Variants in CDKAL1 observed in about 807,000 individuals in gnomAD.
CDKAL1 encodes the protein threonylcarbamoyladenosine tRNA methylthiotransferase.
Under a neutral mutation model 68.2 loss-of-function variants are expected in CDKAL1, and 32 were observed. That is an observed-to-expected ratio of 0.47 (90% confidence interval 0.35 to 0.63). The LOEUF (loss-of-function observed/expected upper bound fraction) is 0.63. Ranked by LOEUF, CDKAL1 falls within the 30% of genes least tolerant of loss-of-function variation. The pLI is 0.00. For missense variants in CDKAL1, 606 were observed against 696.7 expected, an observed-to-expected ratio of 0.87 and a Z score of 1.47; for synonymous variants, 234 against 244.3, an observed-to-expected ratio of 0.96 and a Z score of 0.39.
intron 12 of CDKAL1, among the ~76,000 whole-genome samples, chr6:21,075,264 G>A (rs1488613453): frequency 7.3e-6 from 1 of 136,634 alleles, no homozygotes; most frequent in Non-Finnish European, 1.6e-5. Context: ...GATGACATAA[G>A]GATAAGTATA....
chr6:21,202,715 C>T (rs184683754), intron 15 of CDKAL1, among the ~76,000 whole-genome samples: 6 of 152,294 alleles, frequency 3.9e-5, no homozygotes, highest in Admixed American at 3.3e-4. Flanking sequence ...GTAAACATCA[C>T]CATTGATAAT....
chr6:21,052,016 T>C (rs985630069), intron 11 of CDKAL1, among the ~76,000 whole-genome samples: 2 of 152,338 alleles, frequency 1.3e-5, no homozygotes, highest in East Asian at 1.9e-4. Flanking sequence ...CACTAGACTT[T>C]CTTTGTCTTA....
intron 9 of CDKAL1, among the ~76,000 whole-genome samples, chr6:20,929,336 C>T (rs763465557): frequency 6.6e-6 from 1 of 152,140 alleles, no homozygotes; most frequent in African/African-American, 2.4e-5. Context: ...TAAAGATTAA[C>T]CTTGGGGGCA....
At chr6:20,870,722 A>G (rs941116238) in intron 9 of CDKAL1, among the ~76,000 whole-genome samples, 8 of 152,234 alleles carry the variant, frequency 5.3e-5, no homozygotes, top group Non-Finnish European at 8.8e-5. Context: ...CTAGCCAGGT[A>G]TATGACTTTG....
At chr6:20,935,602 G>T (rs1451077429) in intron 9 of CDKAL1, among the ~76,000 whole-genome samples, 1 of 151,988 alleles carries the variant, frequency 6.6e-6, no homozygotes, top group East Asian at 1.9e-4. Context: ...GCTAATTTTT[G>T]TACTTTTAGT....
chr6:21,142,431 A>C lies in CDKAL1; in HGVS notation c.1299+33968A>C, dbSNP rs974350794. Among the ~76,000 whole-genome samples the C allele has an allele frequency of 5.9e-5, 9 of 152,294 alleles. No individual in the cohort carries two copies. In the South Asian group the frequency reaches 1.0e-3, roughly 18 times the overall value. The stretch of plus-strand genomic sequence containing the variant: ...AAACAGTAGAGTTTATGGTAACATA[A>C]CTAAGGCTAGCACCTACCTCCTGGT... On this transcript the variant is annotated intron_variant, in intron 13 of 15. Transcript: ENST00000274695.
At chr6:21,065,281 C>A in intron 12 of CDKAL1, 53 bp downstream of exon 12, 2 of 1,351,148 alleles carry the variant, frequency 1.5e-6, no homozygotes, top group Non-Finnish European at 2.1e-6. Flanking sequence ...TATAGAAATG[C>A]AGCTGTGTTG....
At chr6:20,931,282 A>G (rs1487105728) in intron 9 of CDKAL1, among the ~76,000 whole-genome samples, 2 of 152,186 alleles carry the variant, frequency 1.3e-5, no homozygotes, top group African/African-American at 4.8e-5. Context: ...GTTGCTACAT[A>G]TCATAATTGG....
rs181386284 is a variant in CDKAL1 at position 20,686,593 on chromosome 6, A to G, written c.371+37216A>G. On this transcript the variant is annotated intron_variant, in intron 5 of 15. Coordinates refer to ENST00000274695, the MANE Select transcript of CDKAL1 (RefSeq NM_017774.3). ...TCATTATATATTACAATGTAATAAT[A>G]GAAATAAAGTGCACAATAAATGTAA... is the stretch of plus-strand genomic sequence containing the variant. Among the ~76,000 whole-genome samples, 54 of 152,352 alleles carry G rather than the reference A, an allele frequency of 3.5e-4. No homozygotes were observed. In the East Asian group the frequency reaches 7.3e-3, roughly 21 times the overall value.
chr6:20,986,393 G>GT (rs1766452620), intron 10 of CDKAL1, among the ~76,000 whole-genome samples: 1 of 152,018 alleles, frequency 6.6e-6, no homozygotes, highest in South Asian at 2.1e-4. Context: ...GCAATGATTA[G>GT]TTTTTTATTC....
chr6:20,802,503 C>A (rs983856004), intron 8 of CDKAL1, among the ~76,000 whole-genome samples: 1 of 151,790 alleles, frequency 6.6e-6, no homozygotes, highest in Non-Finnish European at 1.5e-5. Flanking sequence ...TTTGATTAGG[C>A]AAATATATAT....
At chr6:21,015,847 CTGAGGCATGAGAA>C (rs1273627207) in intron 11 of CDKAL1, among the ~76,000 whole-genome samples, 4 of 151,494 alleles carry the variant, frequency 2.6e-5, no homozygotes, top group Non-Finnish European at 5.9e-5. Flanking sequence ...ACTCAGGAGG[CTGAGGCATGAGAA>C]TCACTTGGAC....
chr6:21,123,593 A>G (rs1774836631), intron 13 of CDKAL1, among the ~76,000 whole-genome samples: 1 of 152,224 alleles, frequency 6.6e-6, no homozygotes, highest in Non-Finnish European at 1.5e-5. Flanking sequence ...CCTGTCTTTT[A>G]CAGTACAACC....
chr6:20,882,626 T>G (rs1581757578), intron 9 of CDKAL1, among the ~76,000 whole-genome samples: 1 of 152,216 alleles, frequency 6.6e-6, no homozygotes, highest in Non-Finnish European at 1.5e-5. Context: ...TGTTCATTCC[T>G]TTTTATTGCT....
intron 10 of CDKAL1, among the ~76,000 whole-genome samples, chr6:20,990,693 T>A (rs1238499730): frequency 1.3e-5 from 2 of 152,240 alleles, no homozygotes; most frequent in Non-Finnish European, 2.9e-5. Context: ...ATTGCTAGAG[T>A]AAATACAGAT....
chr6:21,138,804 C>G (rs1241695298), intron 13 of CDKAL1, among the ~76,000 whole-genome samples: 1 of 152,186 alleles, frequency 6.6e-6, no homozygotes, highest in East Asian at 1.9e-4. Context: ...TGGATGAGCT[C>G]AGTCAGGCCC....
At chr6:21,083,420 A>G (rs983318057) in intron 12 of CDKAL1, among the ~76,000 whole-genome samples, 13 of 152,122 alleles carry the variant, frequency 8.5e-5, no homozygotes, top group Admixed American at 6.5e-4. Flanking sequence ...ACATTTTGCT[A>G]CATTTGCTTT....
chr6:21,003,371 T>TATATACACACACACACACACACAC, intron 11 of CDKAL1, among the ~76,000 whole-genome samples: 2 of 49,298 alleles, frequency 4.1e-5, no homozygotes, highest in African/African-American at 1.1e-4. Context: ...TATATATATA[T>TATATACACACACACACACACACAC]ACACACACAC....
intron 1 of CDKAL1, among the ~76,000 whole-genome samples, chr6:20,534,819 T>C (rs1247723812): frequency 5.3e-5 from 8 of 152,218 alleles, no homozygotes; most frequent in African/African-American, 1.9e-4. Context: ...TCGTTCCTTA[T>C]TGTCAGGTTT....
Sources: allele counts gnomAD v4.1 joint callset (sites outside exome capture counted in the v4.1 genomes callset), GRCh38; gene constraint gnomAD v4.1.1; transcripts MANE v1.5; gene names NCBI Gene and HGNC (gene_info 2026-07-23, HGNC 2026-07-21).